Variants in CDC20B observed in about 807,000 individuals in gnomAD.
The protein encoded by CDC20B is cell division cycle protein 20 homolog B.
In CDC20B, 58 loss-of-function variants were observed where a neutral mutation model predicts 64.1. The ratio of observed to expected loss-of-function variants is 0.90; its 90% CI spans 0.73 to 1.13. The LOEUF (loss-of-function observed/expected upper bound fraction) is 1.13. Among genes scored for constraint, CDC20B ranks in the 50% most tolerant of loss-of-function variants. The pLI is 0.00. For synonymous variants in CDC20B, 243 were observed against 230.6 expected (o/e 1.05, Z -0.49); for missense variants, 597 against 633.0 (o/e 0.94, Z 0.61).
At chr5:55,155,443 A>C (rs1743781923) in intron 2 of CDC20B, among the ~76,000 whole-genome samples, 1 of 152,208 alleles carries the variant, frequency 6.6e-6, no homozygotes, top group Admixed American at 6.5e-5. Flanking sequence ...AAGACAGCCC[A>C]GGTAGCTCTG....
intron 11 of CDC20B, among the ~76,000 whole-genome samples, chr5:55,117,216 T>G (rs1162656805): frequency 6.6e-6 from 1 of 152,148 alleles, no homozygotes; most frequent in Non-Finnish European, 1.5e-5. Flanking sequence ...TTACCTTTCT[T>G]CTGTAGTCAG....
intron 2 of CDC20B, among the ~76,000 whole-genome samples, chr5:55,150,841 G>A (rs758942409): frequency 5.9e-5 from 9 of 152,080 alleles, no homozygotes; most frequent in East Asian, 1.9e-4. Flanking sequence ...ACCTCCCAGA[G>A]CTCAAGCGAT....
intron 2 of CDC20B, among the ~76,000 whole-genome samples, chr5:55,170,378 A>G (rs1744557905): frequency 6.6e-6 from 1 of 152,242 alleles, no homozygotes; most frequent in African/African-American, 2.4e-5. Flanking sequence ...TAATTGTAAT[A>G]CTTTCCTTAC....
chr5:55,152,897 A>G (rs921396286), intron 2 of CDC20B, among the ~76,000 whole-genome samples: 1 of 152,178 alleles, frequency 6.6e-6, no homozygotes, highest in Non-Finnish European at 1.5e-5. Flanking sequence ...TTTGAGAAAG[A>G]ATCCAGAGGC....
Position 55,142,265 on chromosome 5 carries a change from C to T in CDC20B, c.486+1248G>A, listed in dbSNP as rs901477261. On this transcript the variant is annotated intron_variant, in intron 4 of 11. Transcript: ENST00000381375. ...TCAGTGAGGACCACATGAAGACACA[C>T]GTTTACTCTACAGGGGAAAGACCTC... is the stretch of plus-strand genomic sequence containing the variant. Among the ~76,000 whole-genome samples, 7 of 152,192 alleles carry T rather than the reference C, an allele frequency of 4.6e-5. No individual in the cohort carries two copies. In the South Asian group the frequency reaches 6.2e-4, roughly 14 times the overall value.
intron 2 of CDC20B, among the ~76,000 whole-genome samples, chr5:55,147,536 G>A (rs1313574193): frequency 6.8e-6 from 1 of 147,896 alleles, no homozygotes; most frequent in Non-Finnish European, 1.5e-5. Context: ...ATATATTTAT[G>A]TGTAAACTGT....
chr5:55,164,221 ATGCCAT>A, intron 2 of CDC20B: 1 of 1,527,194 alleles, frequency 6.5e-7, no homozygotes, highest in African/African-American at 1.4e-5. Flanking sequence ...ATCTATGAGA[ATGCCAT>A]TGCGTTTCTA....
At chr5:55,166,459 T>G (rs767541344) in intron 2 of CDC20B, 1 of 152,228 alleles carries the variant, frequency 6.6e-6, no homozygotes. Flanking sequence ...TGAAAGCGTG[T>G]CATACATATT....
rs572402446 is a variant in CDC20B at position 55,164,555 on chromosome 5, A to G, written c.126+8033T>C. 5.0e-5 allele frequency: 8 copies of G among 161,548 alleles called. No individual in the cohort carries two copies. The South Asian group carries it at 1.4e-3, about 28-fold the overall frequency. 10.0% of individuals were successfully genotyped at this position (161,548 alleles called of 1,614,324 possible). On this transcript the variant is annotated intron_variant, in intron 2 of 11. Transcript: ENST00000381375. ...ACTAAAGAATTCAGAATACACAGTG[A>G]CCAATGTGCCTCAATATCTTATTGT...
In CDC20B at chr5:55,164,297, A is replaced by G. The variant is rs867607779; in HGVS notation, c.126+8291T>C. On this transcript the variant is annotated intron_variant, in intron 2 of 11. Transcript: ENST00000381375. ...CTCATTTTAAACATTTTTTTTTTGG[A>G]GACAGTGTCTCACTCTGTCACCCAG... 4.6e-6 allele frequency: 5 copies of G among 1,088,622 alleles called. No individual in the cohort carries two copies. The Middle Eastern group carries it at 1.2e-3, about 251-fold the overall frequency. 67.4% of individuals were successfully genotyped at this position (1,088,622 alleles called of 1,614,324 possible). A position where few individuals can be genotyped will look rare whatever the true frequency, so the allele number is the denominator to read the frequency against.
Position 55,173,172 on chromosome 5 carries a change from C to T in CDC20B, c.-172G>A. On this transcript the variant is annotated 5_prime_UTR_variant, in exon 1 of 12. Coordinates refer to ENST00000381375, the MANE Select transcript of CDC20B (RefSeq NM_001170402.1). ...CCAGGTCCCCCACTCCTCCCACCGC[C>T]GCTGCAAGGTGTTCCCCAGGGTACC... is the stretch of plus-strand genomic sequence containing the variant. 1 of 591,658 alleles carries T rather than the reference C, an allele frequency of 1.7e-6. No individual in the cohort carries two copies. The highest frequency in any genetic ancestry group is 3.0e-6 in the Non-Finnish European group (1 of 335,426). The allele number at this position is 591,658 out of a possible 1,614,324, so 36.7% of individuals were successfully genotyped here.
intron 2 of CDC20B, among the ~76,000 whole-genome samples, chr5:55,154,529 A>T (rs2111911946): frequency 6.6e-6 from 1 of 152,262 alleles, no homozygotes; most frequent in East Asian, 1.9e-4. Flanking sequence ...AAGAAAAAAG[A>T]AAAAAGAGGA....
At chr5:55,165,504 G>T (rs538013239) in intron 2 of CDC20B, 3 of 152,332 alleles carry the variant, frequency 2.0e-5, no homozygotes, top group East Asian at 3.9e-4. Flanking sequence ...TGAAAGTGAA[G>T]ATGTTTCGTA....
Position 55,124,843 on chromosome 5 carries a change from C to T in CDC20B, c.1175G>A (p.Gly392Asp). ...CTGGGTTATGACTTTCAGCGGTTGG[C>T]CCTGTGCACTGGCACCTGGATCGTG... ...WPHDPGASAQ[G>D]QPLKVITQST... The change falls in exon 9 of 12, where the codon GGC becomes GAC. Residue 392 changes from glycine (G) to aspartate (D), a missense_variant. Around this residue, in one of 3 missense-constraint regions of CDC20B, gnomAD observed 353 missense variants for 397.0 expected, o/e 0.89. Transcript: ENST00000381375. The T allele has an allele frequency of 1.9e-6, 3 of 1,614,134 alleles. No individual in the cohort carries two copies. The highest frequency in any genetic ancestry group is 2.5e-6 in the Non-Finnish European group (3 of 1,180,004).
intron 2 of CDC20B, among the ~76,000 whole-genome samples, chr5:55,153,075 C>CA (rs1373653250): frequency 2.6e-5 from 4 of 151,482 alleles, no homozygotes; most frequent in African/African-American, 7.3e-5. Flanking sequence ...CCCATCTGAA[C>CA]AAAAAATACA....
chr5:55,155,197 C>A (rs1044373949), intron 2 of CDC20B, among the ~76,000 whole-genome samples: 5 of 152,084 alleles, frequency 3.3e-5, no homozygotes, highest in Admixed American at 6.5e-5. Flanking sequence ...TGACATTAAA[C>A]CAGGAGGAAT....
intron 9 of CDC20B, among the ~76,000 whole-genome samples, chr5:55,122,893 G>T (rs1742793258): frequency 6.6e-6 from 1 of 152,178 alleles, no homozygotes. Context: ...GAGTGATCCT[G>T]AGCCAGAACT....
chr5:55,149,305 A>G (rs1038556868), intron 2 of CDC20B, among the ~76,000 whole-genome samples: 1 of 152,216 alleles, frequency 6.6e-6, no homozygotes, highest in Non-Finnish European at 1.5e-5. Flanking sequence ...GTGGAAGATT[A>G]GTTTGGTGAT....
chr5:55,118,635 G>T (rs1318581103), intron 11 of CDC20B, among the ~76,000 whole-genome samples: 2 of 152,158 alleles, frequency 1.3e-5, no homozygotes, highest in Non-Finnish European at 2.9e-5. Flanking sequence ...AAAAGGTCCA[G>T]GGAATTGCAT....
Sources: gnomAD v4.1 joint callset for allele counts (sites outside exome capture counted in the v4.1 genomes callset) on GRCh38, gnomAD v4.1.1 for gene constraint, gnomAD v4.1.1 regional missense constraint, MANE v1.5 for transcripts, NCBI Gene and HGNC (gene_info 2026-07-23, HGNC 2026-07-21) for gene names.